Variants in RAPGEF1 observed in about 807,000 individuals in gnomAD.
RAPGEF1 encodes the protein Rap guanine nucleotide exchange factor 1.
RAPGEF1 carries 33 observed loss-of-function variants against 143.3 expected under a neutral mutation model. The ratio of observed to expected loss-of-function variants is 0.23; its 90% CI spans 0.17 to 0.31. RAPGEF1 has a LOEUF of 0.31. Ranked by LOEUF, RAPGEF1 falls within the 10% of genes least tolerant of loss-of-function variation. The pLI is 1.00. For missense variants in RAPGEF1, 1,199 were observed against 1,645.4 expected (o/e 0.73, Z 4.69); for synonymous variants, 629 against 676.5 (o/e 0.93, Z 1.09).
At chr9:131,648,287 T>TG (rs1369812551) in intron 3 of RAPGEF1, among the ~76,000 whole-genome samples, 9 of 152,070 alleles carry the variant, frequency 5.9e-5, no homozygotes, top group Non-Finnish European at 1.3e-4. Flanking sequence ...GCTACTCGGG[T>TG]GGCTGAGGCG....
At chr9:131,733,370 G>GT (rs1237851702) in intron 1 of RAPGEF1, among the ~76,000 whole-genome samples, 10 of 133,690 alleles carry the variant, frequency 7.5e-5, no homozygotes, top group Admixed American at 2.2e-4. Flanking sequence ...GGGGGCGGGG[G>GT]GGGGGGTGGT....
At chr9:131,624,035 C>A (rs985562989) in intron 10 of RAPGEF1, among the ~76,000 whole-genome samples, 15 of 152,268 alleles carry the variant, frequency 9.9e-5, no homozygotes, top group African/African-American at 3.6e-4. Context: ...AGAAGACCAA[C>A]CCCTGCACAG....
At chr9:131,637,313 G>A (rs2133213860) in intron 5 of RAPGEF1, among the ~76,000 whole-genome samples, 1 of 152,138 alleles carries the variant, frequency 6.6e-6, no homozygotes, top group South Asian at 2.1e-4. Flanking sequence ...TGAACTCTAT[G>A]GCCCCAGCAG....
At chr9:131,716,989 C>CA (rs1341387681) in intron 1 of RAPGEF1, among the ~76,000 whole-genome samples, 1 of 152,124 alleles carries the variant, frequency 6.6e-6, no homozygotes, top group African/African-American at 2.4e-5. Context: ...TCCAGCGAGT[C>CA]AAAGGAAACC....
At chr9:131,586,214 G>GCACACA (rs140743473) in intron 22 of RAPGEF1, among the ~76,000 whole-genome samples, 1 of 124,540 alleles carries the variant, frequency 8.0e-6, no homozygotes, top group African/African-American at 3.1e-5. Flanking sequence ...ACACACGCAC[G>GCACACA]CACACACACA....
chr9:131,614,590 C>G (rs1390063315), intron 12 of RAPGEF1, among the ~76,000 whole-genome samples: 1 of 152,316 alleles, frequency 6.6e-6, no homozygotes, highest in East Asian at 1.9e-4. Context: ...AGTGAAGGAG[C>G]CTGCAACAGG....
At position 131,621,949 on chromosome 9, in the gene RAPGEF1, A is replaced by G. The variant is rs1961204599; in HGVS notation, c.1752T>C (p.Ser584=). The change falls in exon 11 of 27, where the codon TCT becomes TCC. Residue 584 remains serine, a synonymous_variant. Coordinates refer to ENST00000683357, the MANE Select transcript of RAPGEF1 (RefSeq NM_001377935.1). The surrounding 1 kb of genome is among the most constrained non-coding windows in gnomAD (Gnocchi z 4.5). ...CGTTCTGTGGCGTCTGGTAGAACATAGAGGGCTGCGGCTCCGAGTAGTCCT... is the reference window on the plus strand; with the variant it reads ...CGTTCTGTGGCGTCTGGTAGAACATGGAGGGCTGCGGCTCCGAGTAGTCCT... ...LLEDYSEPQP[S]MFYQTPQNEH... The G allele has an allele frequency of 6.2e-7, 1 of 1,613,696 alleles. No homozygotes were observed. The highest frequency in any genetic ancestry group is 1.3e-5 in the African/African-American group (1 of 74,904).
intron 1 of RAPGEF1, among the ~76,000 whole-genome samples, chr9:131,739,254 G>A (rs2131376676): frequency 6.6e-6 from 1 of 152,334 alleles, no homozygotes; most frequent in South Asian, 2.1e-4. Flanking sequence ...GTGGGGAGGG[G>A]AAACTTGACT....
chr9:131,707,377 C>T (rs962103812), intron 1 of RAPGEF1, among the ~76,000 whole-genome samples: 9 of 152,172 alleles, frequency 5.9e-5, no homozygotes, highest in African/African-American at 2.2e-4. Flanking sequence ...AAACTTATCC[C>T]ATTTTGCTTA....
chr9:131,607,283 C>T (rs1439685833), intron 12 of RAPGEF1, among the ~76,000 whole-genome samples: 1 of 152,184 alleles, frequency 6.6e-6, no homozygotes, highest in Non-Finnish European at 1.5e-5. Flanking sequence ...TTCAGGAGCT[C>T]GGGGGGCAGA....
intron 10 of RAPGEF1, among the ~76,000 whole-genome samples, chr9:131,623,474 T>C (rs1961900638): frequency 6.6e-6 from 1 of 152,208 alleles, no homozygotes; most frequent in African/African-American, 2.4e-5. Flanking sequence ...TGTAAAACTG[T>C]GATCTCTTCA....
At chr9:131,715,058 C>T (rs1835766893) in intron 1 of RAPGEF1, among the ~76,000 whole-genome samples, 2 of 151,938 alleles carry the variant, frequency 1.3e-5, no homozygotes, top group South Asian at 2.1e-4. Flanking sequence ...AGGAAATCAT[C>T]GAAGGCAAAG....
intron 1 of RAPGEF1, among the ~76,000 whole-genome samples, chr9:131,659,686 G>C (rs1331485382): frequency 6.6e-6 from 1 of 152,156 alleles, no homozygotes; most frequent in Admixed American, 6.6e-5. Context: ...CCAAGGACCT[G>C]ATATATAGCA....
chr9:131,637,279 T>C (rs1364418174), intron 5 of RAPGEF1, among the ~76,000 whole-genome samples: 4 of 151,498 alleles, frequency 2.6e-5, no homozygotes, highest in African/African-American at 9.7e-5. Context: ...AATATTGATG[T>C]CATCTAGGCA....
chr9:131,638,045 G>A (rs574527753), intron 5 of RAPGEF1, among the ~76,000 whole-genome samples: 2 of 152,148 alleles, frequency 1.3e-5, no homozygotes, highest in African/African-American at 2.4e-5. Context: ...CTTCCCATCC[G>A]CTAGGACTTA....
Position 131,603,986 on chromosome 9 carries a change from C to T in RAPGEF1, c.2387G>A (p.Ser796Asn). The T allele has an allele frequency of 7.5e-7, 1 of 1,334,432 alleles. No individual in the cohort carries two copies. Among genetic ancestry groups the T allele is most frequent in the Non-Finnish European group, 1.0e-6 (1 of 1,004,074 alleles). 82.7% of individuals were successfully genotyped at this position (1,334,432 alleles called of 1,614,324 possible). ...TCCTCGAGAGGGAGCCAGCTCCTCG[C>T]TGCTCTGGCCAGAGGAATACAGATT... ...YVNLYSSGQSSEELAPSRGEP... is the reference protein window; with the variant it reads ...YVNLYSSGQSNEELAPSRGEP... The change falls in exon 14 of 27, where the codon AGC becomes AAC. Residue 796 changes from serine to asparagine, a missense_variant. Physicochemically the swap from Ser to Asn is conservative, Grantham distance 46 (BLOSUM62 1). Around this residue, in one of 6 missense-constraint regions of RAPGEF1, gnomAD observed 293 missense variants for 356.2 expected, o/e 0.82. Coordinates refer to ENST00000683357, the MANE Select transcript of RAPGEF1 (RefSeq NM_001377935.1).
At chr9:131,678,317 C>T (rs568753036) in intron 1 of RAPGEF1, among the ~76,000 whole-genome samples, 1 of 152,280 alleles carries the variant, frequency 6.6e-6, no homozygotes, top group South Asian at 2.1e-4. Flanking sequence ...AGAAGAGGGA[C>T]TTTTCCTAGC....
At chr9:131,720,711 A>T (rs1036633574) in intron 1 of RAPGEF1, among the ~76,000 whole-genome samples, 11 of 152,154 alleles carry the variant, frequency 7.2e-5, no homozygotes, top group African/African-American at 2.7e-4. Flanking sequence ...TGTTTCCTTT[A>T]ACCTCCTCCC....
Position 131,638,739 on chromosome 9 carries a change from T to A in RAPGEF1, c.547A>T (p.Ile183Phe). 1 of 1,613,920 alleles carries A rather than the reference T, an allele frequency of 6.2e-7. No individual in the cohort carries two copies. The highest frequency in any genetic ancestry group is 8.5e-7 in the Non-Finnish European group (1 of 1,179,874). Residue 183 changes from isoleucine to phenylalanine, a missense_variant, in exon 5 of 27, where the codon ATT (isoleucine) becomes TTT (phenylalanine). Physicochemically the swap from Ile to Phe is conservative, Grantham distance 21. This residue lies in a region of RAPGEF1 where 613 missense variants were observed against 710.9 expected (regional missense o/e 0.86). Coordinates refer to ENST00000683357, the MANE Select transcript of RAPGEF1 (RefSeq NM_001377935.1). Reference sequence around the variant, plus strand: ...AGCATCACTTGGTCAGACCAGCGAATGAGGTTGGCGAGGCTTTGGTACACT... The same window carrying A: ...AGCATCACTTGGTCAGACCAGCGAAAGAGGTTGGCGAGGCTTTGGTACACT... The part of the protein sequence containing the change: ...SRVYQSLANL[I>F]RWSDQVMLEG...
Sources: allele counts gnomAD v4.1 joint callset (sites outside exome capture counted in the v4.1 genomes callset), GRCh38; gene constraint gnomAD v4.1.1; regional missense constraint gnomAD v4.1.1; non-coding constraint Gnocchi (gnomAD v3.1); transcripts MANE v1.5; gene names NCBI Gene and HGNC (gene_info 2026-07-23, HGNC 2026-07-21).